The following ATP9B variants were observed in gnomAD, a reference collection of about 807,000 sequenced individuals.
ATP9B encodes probable phospholipid-transporting ATPase IIB.
Under a neutral mutation model 146.1 loss-of-function variants are expected in ATP9B, and 110 were observed. The observed-to-expected ratio is 0.75, with a 90% CI of 0.65 to 0.88. The LOEUF (loss-of-function observed/expected upper bound fraction) is 0.88. Among genes scored for constraint, ATP9B ranks in the 40% least tolerant of loss-of-function variants. The probability of loss-of-function intolerance (pLI) is 0.00; values close to 1 mark genes in which losing one functional copy is unlikely to be tolerated. For synonymous variants in ATP9B, 604 were observed against 569.7 expected, an observed-to-expected ratio of 1.06 and a Z score of -0.86; for missense variants, 1,499 against 1,496.4, an observed-to-expected ratio of 1.00 and a Z score of -0.03.
chr18:79,169,707 T>A (rs768658156), intron 7 of ATP9B, among the ~76,000 whole-genome samples: 3 of 152,200 alleles, frequency 2.0e-5, no homozygotes, highest in Non-Finnish European at 4.4e-5. Context: ...ACCGTAGTAT[T>A]TCAGCTGCTT....
intron 2 of ATP9B, among the ~76,000 whole-genome samples, chr18:79,101,919 A>G (rs1380096636): frequency 6.6e-6 from 1 of 151,920 alleles, no homozygotes; most frequent in African/African-American, 2.4e-5. Context: ...GTAGTTGGAC[A>G]TATTTTCTTT....
chr18:79,299,165 ACT>A (rs1018790523), intron 13 of ATP9B, among the ~76,000 whole-genome samples: 1 of 148,760 alleles, frequency 6.7e-6, no homozygotes, highest in Non-Finnish European at 1.5e-5. Flanking sequence ...GCCTCAGTTA[ACT>A]CTGTTACCTG....
chr18:79,242,284 G>A (rs935125703), intron 11 of ATP9B, among the ~76,000 whole-genome samples: 1 of 152,174 alleles, frequency 6.6e-6, no homozygotes, highest in Non-Finnish European at 1.5e-5. Context: ...CAGGGCACTA[G>A]CCTATAGCAC....
chr18:79,089,112 A>G (rs1316142387), intron 1 of ATP9B, among the ~76,000 whole-genome samples: 1 of 152,138 alleles, frequency 6.6e-6, no homozygotes, highest in Admixed American at 6.5e-5. Context: ...GCAGGGGGAA[A>G]GGTTGGGAAG....
At chr18:79,071,318 T>C (rs768990485) in intron 1 of ATP9B, among the ~76,000 whole-genome samples, 1 of 151,508 alleles carries the variant, frequency 6.6e-6, no homozygotes, top group Admixed American at 6.6e-5. Flanking sequence ...TCATCAAATA[T>C]GGTTTATAAA....
chr18:79,077,296 A>G (rs1599345467), intron 1 of ATP9B, among the ~76,000 whole-genome samples: 1 of 152,302 alleles, frequency 6.6e-6, no homozygotes, highest in East Asian at 1.9e-4. Flanking sequence ...GGTTACTGCC[A>G]GAAGGGGCTG....
chr18:79,174,346 A>G (rs1357770465), intron 7 of ATP9B: 1 of 179,070 alleles, frequency 5.6e-6, no homozygotes. Flanking sequence ...TCCTGTGTAT[A>G]ATTTGATTGC....
rs199894070 is a variant in ATP9B, at chr18:79,277,159, A to G, written c.1374A>G (p.Glu458=). The G allele has an allele frequency of 2.5e-6, 4 of 1,613,534 alleles. No individual in the cohort carries two copies. Among genetic ancestry groups the G allele is most frequent in the Non-Finnish European group, 2.5e-6 (3 of 1,179,604 alleles). The change falls in exon 13 of 30, where the codon GAA becomes GAG. Residue 458 remains glutamate, a synonymous_variant. Coordinates refer to ENST00000426216, the MANE Select transcript of ATP9B (RefSeq NM_198531.5). ...TTCGGACCAGCACTATCCCAGAGGA[A>G]CTTGGGCGCCTGGTGTATTTATTGA... ...TVVRTSTIPE[E]LGRLVYLLTD...
chr18:79,329,290 C>T lies in ATP9B; in HGVS notation c.1923C>T (p.Gly641=), dbSNP rs376757366. Residue 641 remains glycine, a synonymous_variant, in exon 16 of 30, where the codon GGC becomes GGT. Transcript: ENST00000426216. The stretch of plus-strand genomic sequence containing the variant: ...TCACCTCCGAGAGCAAGCGGATGGG[C>T]GTCATCGTCAGGGTGAGGCTGCGGG... ...FPFTSESKRM[G]VIVRDESTAE... is the part of the protein sequence containing the mutation. 14 of 1,606,342 alleles carry T rather than the reference C, an allele frequency of 8.7e-6. No individual in the cohort carries two copies. Among genetic ancestry groups the T allele is most frequent in the South Asian group, 1.1e-5 (1 of 89,698 alleles).
At chr18:79,172,516 CCCCGCCCTTGCGA>C (rs2095091169) in intron 7 of ATP9B, among the ~76,000 whole-genome samples, 1 of 118,268 alleles carries the variant, frequency 8.5e-6, no homozygotes, top group African/African-American at 3.6e-5. Flanking sequence ...AGCCACCGTG[CCCCGCCCTTGCGA>C]TCCGCCTTGG....
At position 79,329,144 on chromosome 18, in the gene ATP9B, G is replaced by A. The variant is rs142521017; in HGVS notation, c.1777G>A (p.Ala593Thr). 1.8e-4 allele frequency: 280 copies of A among 1,582,760 alleles called. No individual in the cohort carries two copies. The highest frequency in any genetic ancestry group is 2.2e-4 in the Non-Finnish European group (258 of 1,164,682). ...AGTTGTTGCTGGTCTCCCGTAGGTCGCTCTGGTGCAGTGGACAGAGAGTGT... is the reference window on the plus strand; with the variant it reads ...AGTTGTTGCTGGTCTCCCGTAGGTCACTCTGGTGCAGTGGACAGAGAGTGT... Reference protein sequence around the residue: ...TYQASSPDEVALVQWTESVGL... With the variant: ...TYQASSPDEVTLVQWTESVGL... Residue 593 changes from alanine to threonine, a missense_variant, in exon 16 of 30, where the codon GCT becomes ACT. Transcript: ENST00000426216.
chr18:79,103,394 A>T (rs2075428109), intron 2 of ATP9B, among the ~76,000 whole-genome samples: 1 of 152,058 alleles, frequency 6.6e-6, no homozygotes, highest in African/African-American at 2.4e-5. Flanking sequence ...TAAGTTGCAG[A>T]GTCCTTATCA....
In ATP9B at chr18:79,337,465, C is replaced by A. The variant is rs946414781; in HGVS notation, c.2283+16C>A. ...CGGGATCAAGGTACTGCAGGCTCAC[C>A]TCTGCTGGCGCGCGCTGCTTTTGCT... On this transcript the variant is annotated intron_variant, in intron 19 of 29. Coordinates refer to ENST00000426216, the MANE Select transcript of ATP9B (RefSeq NM_198531.5). The A allele has an allele frequency of 6.2e-7, 1 of 1,602,758 alleles. No homozygotes were observed. The highest frequency in any genetic ancestry group is 2.2e-5 in the East Asian group (1 of 44,838).
chr18:79,124,302 T>C (rs1459470965), intron 4 of ATP9B, among the ~76,000 whole-genome samples: 2 of 152,194 alleles, frequency 1.3e-5, no homozygotes, highest in Non-Finnish European at 2.9e-5. Flanking sequence ...AAAAAACGAA[T>C]TGTATACATT....
chr18:79,224,115 G>A (rs1192073711), intron 11 of ATP9B, among the ~76,000 whole-genome samples: 2 of 152,122 alleles, frequency 1.3e-5, no homozygotes, highest in Non-Finnish European at 2.9e-5. Flanking sequence ...ATTTCTAAGC[G>A]GTATAGCTAA....
At position 79,377,310 on chromosome 18, in the gene ATP9B, G is replaced by A; in HGVS notation, c.3371G>A (p.Cys1124Tyr). 6.2e-7 allele frequency: 1 copy of A among 1,612,200 alleles called. No homozygotes were observed. The highest frequency in any genetic ancestry group is 8.5e-7 in the Non-Finnish European group (1 of 1,180,008). The change falls in exon 30 of 30, where the codon TGC (cysteine) becomes TAC (tyrosine). Residue 1124 changes from cysteine to tyrosine, a missense_variant. Coordinates refer to ENST00000426216, the MANE Select transcript of ATP9B (RefSeq NM_198531.5). ...GTGTCGGCGATCACCGTGGTCAGCT[G>A]CCTCCCGCTGTATGTCCTCAAGTAC... is the stretch of plus-strand genomic sequence containing the variant. The part of the protein sequence containing the change: ...WKVSAITVVS[C>Y]LPLYVLKYLR...
chr18:79,307,364 G>T, intron 15 of ATP9B, 130 bp downstream of exon 15: 1 of 1,375,314 alleles, frequency 7.3e-7, no homozygotes, highest in East Asian at 2.5e-5. Context: ...TGTTTTAGCT[G>T]TATGTGGAAA....
chr18:79,305,100 C>T (rs930438729), intron 14 of ATP9B, among the ~76,000 whole-genome samples: 1 of 152,216 alleles, frequency 6.6e-6, no homozygotes, highest in Non-Finnish European at 1.5e-5. Flanking sequence ...CATGGCACTG[C>T]TGCCCAGACT....
intron 12 of ATP9B, among the ~76,000 whole-genome samples, chr18:79,262,641 A>T (rs1465895502): frequency 1.3e-5 from 2 of 152,226 alleles, no homozygotes; most frequent in Non-Finnish European, 1.5e-5. Context: ...AGATGCTGTG[A>T]CAGGAAACCT....
Sources: allele counts gnomAD v4.1 joint callset (sites outside exome capture counted in the v4.1 genomes callset), GRCh38; gene constraint gnomAD v4.1.1; transcripts MANE v1.5; gene names NCBI Gene and HGNC (gene_info 2026-07-23, HGNC 2026-07-21).